The following UBE2E2 variants were observed in gnomAD, a reference collection of about 807,000 sequenced individuals.
The protein encoded by UBE2E2 is ubiquitin conjugating enzyme E2 E2, also known as ubiquitin-conjugating enzyme E2 E2.
UBE2E2 carries 6 observed loss-of-function variants against 24.7 expected under a neutral mutation model. The ratio of observed to expected loss-of-function variants is 0.24; its 90% CI spans 0.13 to 0.48. The LOEUF (loss-of-function observed/expected upper bound fraction) is 0.48. UBE2E2 is among the 20% of genes least tolerant of loss of function. UBE2E2 has a pLI of 0.99. For synonymous variants in UBE2E2, 104 were observed against 83.6 expected, an observed-to-expected ratio of 1.24 and a Z score of -1.33; for missense variants, 169 against 245.0, an observed-to-expected ratio of 0.69 and a Z score of 2.07.
intron 3 of UBE2E2, among the ~76,000 whole-genome samples, chr3:23,302,009 AT>A (rs1469512309): frequency 1.3e-5 from 2 of 152,016 alleles, no homozygotes; most frequent in Non-Finnish European, 2.9e-5. Context: ...CTTGTGGAAA[AT>A]TGCTGACACA....
chr3:23,220,103 G>A (rs1410060197), intron 3 of UBE2E2, among the ~76,000 whole-genome samples: 7 of 152,104 alleles, frequency 4.6e-5, no homozygotes, highest in Non-Finnish European at 7.4e-5. Context: ...AAGTCACCCC[G>A]AATCACAGCA....
In UBE2E2 at chr3:23,348,420, T is replaced by C. The variant is rs555959428; in HGVS notation, c.227+131108T>C. Among the ~76,000 whole-genome samples, 5 of 152,012 alleles carry C rather than the reference T, an allele frequency of 3.3e-5. No homozygotes were observed. The East Asian group carries it at 9.7e-4, about 30-fold the overall frequency. Reference sequence around the variant, plus strand: ...GGGTTACCACCTAGAACAGGGAAGCTTAATTGTGAATTAGAAAGTAGATTT... The same window carrying C: ...GGGTTACCACCTAGAACAGGGAAGCCTAATTGTGAATTAGAAAGTAGATTT... On this transcript the variant is annotated intron_variant, in intron 3 of 5. Transcript: ENST00000396703.
intron 3 of UBE2E2, among the ~76,000 whole-genome samples, chr3:23,346,002 A>G (rs1314900828): frequency 6.6e-6 from 1 of 152,176 alleles, no homozygotes; most frequent in African/African-American, 2.4e-5. Flanking sequence ...CTAATCAATC[A>G]TGGTGCTATG....
chr3:23,580,592 CTG>C (rs993489797), intron 5 of UBE2E2, among the ~76,000 whole-genome samples: 3 of 152,294 alleles, frequency 2.0e-5, no homozygotes, highest in African/African-American at 7.2e-5. Flanking sequence ...TTGCGGCAGT[CTG>C]TAATCAGACC....
At chr3:23,429,559 A>C (rs1559381254) in intron 3 of UBE2E2, among the ~76,000 whole-genome samples, 1 of 152,198 alleles carries the variant, frequency 6.6e-6, no homozygotes, top group East Asian at 1.9e-4. Flanking sequence ...AAGAAAGGGC[A>C]CTTGACAAAA....
chr3:23,538,231 A>G (rs1695311285), intron 5 of UBE2E2, among the ~76,000 whole-genome samples: 1 of 152,150 alleles, frequency 6.6e-6, no homozygotes, highest in South Asian at 2.1e-4. Flanking sequence ...GTGGCACAAC[A>G]TATAGCTAAC....
intron 3 of UBE2E2, among the ~76,000 whole-genome samples, chr3:23,297,183 G>C (rs1401574900): frequency 1.3e-5 from 2 of 151,972 alleles, no homozygotes; most frequent in Non-Finnish European, 2.9e-5. Flanking sequence ...AAATTTGTTT[G>C]AGATCATTGT....
At chr3:23,399,087 C>T (rs554960831) in intron 3 of UBE2E2, among the ~76,000 whole-genome samples, 94 of 152,202 alleles carry the variant, frequency 6.2e-4, no homozygotes, top group African/African-American at 2.2e-3. Context: ...ATGCCTTTTC[C>T]ATCTTAACTA....
At chr3:23,447,609 T>A (rs929144453) in intron 3 of UBE2E2, among the ~76,000 whole-genome samples, 2 of 152,216 alleles carry the variant, frequency 1.3e-5, no homozygotes, top group Admixed American at 1.3e-4. Flanking sequence ...TGAAAAATGA[T>A]TCAGAAGAAT....
At position 23,587,191 on chromosome 3, in the gene UBE2E2, C is replaced by T. The variant is rs570090151; in HGVS notation, c.509-2543C>T. Among the ~76,000 whole-genome samples, 7 of 152,300 alleles carry T rather than the reference C, an allele frequency of 4.6e-5. No homozygotes were observed. The East Asian group carries it at 9.6e-4, about 21-fold the overall frequency. ...AGCATGCAAAAAAAAGTTTGCACAACGCACGCTAATTGTTACCAGCACTCT... is the reference window on the plus strand; with the variant it reads ...AGCATGCAAAAAAAAGTTTGCACAATGCACGCTAATTGTTACCAGCACTCT... On this transcript the variant is annotated intron_variant, in intron 5 of 5. Coordinates refer to ENST00000396703, the MANE Select transcript of UBE2E2 (RefSeq NM_152653.4).
chr3:23,288,785 G>C (rs1192718025), intron 3 of UBE2E2, among the ~76,000 whole-genome samples: 1 of 151,916 alleles, frequency 6.6e-6, no homozygotes, highest in Non-Finnish European at 1.5e-5. Context: ...ACTTCTCTGA[G>C]CAAAAGCAAT....
chr3:23,464,717 A>T (rs781254145), intron 3 of UBE2E2, among the ~76,000 whole-genome samples: 1 of 152,192 alleles, frequency 6.6e-6, no homozygotes, highest in Non-Finnish European at 1.5e-5. Context: ...TTCTCTAGTT[A>T]CTGTAATTAT....
At position 23,568,876 on chromosome 3, in the gene UBE2E2, T is replaced by A. The variant is rs2125510541; in HGVS notation, c.509-20858T>A. ...GGTGAGGAAGTGGAGAATTAGACAT[T>A]GCTAGTGGGAATGTAAAATGGTGCA... On this transcript the variant is annotated intron_variant, in intron 5 of 5. Coordinates refer to ENST00000396703, the MANE Select transcript of UBE2E2 (RefSeq NM_152653.4). Among the ~76,000 whole-genome samples the A allele has an allele frequency of 1.3e-5, 2 of 151,898 alleles. 1 individual carries two copies. The highest frequency in any genetic ancestry group is 4.8e-5 in the African/African-American group (2 of 41,442).
chr3:23,455,870 A>G (rs1050552122), intron 3 of UBE2E2, among the ~76,000 whole-genome samples: 3 of 152,158 alleles, frequency 2.0e-5, no homozygotes, highest in Admixed American at 6.5e-5. Context: ...CAATAAAACA[A>G]CGATGAAATT....
chr3:23,451,908 G>A (rs918748230), intron 3 of UBE2E2, among the ~76,000 whole-genome samples: 1 of 152,110 alleles, frequency 6.6e-6, no homozygotes, highest in African/African-American at 2.4e-5. Flanking sequence ...ATCTCATAAA[G>A]ATAAATTTTT....
At chr3:23,271,966 CG>C (rs1698255478) in intron 3 of UBE2E2, among the ~76,000 whole-genome samples, 1 of 152,240 alleles carries the variant, frequency 6.6e-6, no homozygotes, top group Non-Finnish European at 1.5e-5. Context: ...CAGCTGGCTT[CG>C]CCTAGTGGAT....
intron 3 of UBE2E2, among the ~76,000 whole-genome samples, chr3:23,220,368 A>G (rs933391973): frequency 6.6e-6 from 1 of 152,206 alleles, no homozygotes; most frequent in African/African-American, 2.4e-5. Flanking sequence ...TAAATATGTC[A>G]TCCTTTTTAA....
intron 3 of UBE2E2, among the ~76,000 whole-genome samples, chr3:23,266,308 C>T (rs1470575605): frequency 6.2e-4 from 95 of 152,160 alleles, no homozygotes; most frequent in African/African-American, 1.7e-3. Flanking sequence ...CCATGTTTAG[C>T]GCTTCCTTCA....
intron 3 of UBE2E2, among the ~76,000 whole-genome samples, chr3:23,481,499 A>G (rs1699258527): frequency 6.6e-6 from 1 of 152,212 alleles, no homozygotes; most frequent in Non-Finnish European, 1.5e-5. Flanking sequence ...ATCTATAAAG[A>G]GTACAATTAG....
Sources: gnomAD v4.1 joint callset for allele counts (sites outside exome capture counted in the v4.1 genomes callset) on GRCh38, gnomAD v4.1.1 for gene constraint, MANE v1.5 for transcripts, NCBI Gene and HGNC (gene_info 2026-07-23, HGNC 2026-07-21) for gene names.